EPSTI1: variants seen among roughly 807,000 people sequenced by gnomAD.
EPSTI1 encodes epithelial stromal interaction 1, also known as epithelial-stromal interaction protein 1.
A neutral mutation model predicts 49.9 loss-of-function variants in EPSTI1; 66 were observed. That is an observed-to-expected ratio of 1.32 (90% CI 1.08 to 1.62). The LOEUF (loss-of-function observed/expected upper bound fraction) is 1.62. EPSTI1 is among the 40% of genes most tolerant of loss of function. The pLI is 0.00. For synonymous variants in EPSTI1, 137 were observed against 130.7 expected (o/e 1.05, Z -0.33); for missense variants, 394 against 365.5 (o/e 1.08, Z -0.64).
At chr13:42,890,158 C>T (rs540703921) in intron 10 of EPSTI1, among the ~76,000 whole-genome samples, 7 of 152,244 alleles carry the variant, frequency 4.6e-5, no homozygotes, top group East Asian at 1.9e-4. Flanking sequence ...TGGTTACTCT[C>T]AGTTCTTTGC....
At chr13:42,926,871 G>C (rs2038196312) in intron 6 of EPSTI1, among the ~76,000 whole-genome samples, 1 of 151,944 alleles carries the variant, frequency 6.6e-6, no homozygotes, top group Non-Finnish European at 1.5e-5. Context: ...CCTCTCATCT[G>C]CCTCATGGCT....
rs2038031976 is a variant in EPSTI1, at chr13:42,922,395, A to G, written c.657+3941T>C. Among the ~76,000 whole-genome samples, 1 of 152,098 alleles carries G rather than the reference A, an allele frequency of 6.6e-6. No homozygotes were observed. The highest frequency in any genetic ancestry group is 1.5e-5 in the Non-Finnish European group (1 of 68,022). The stretch of plus-strand genomic sequence containing the variant: ...TAATCAAAAGGGTCATTATAAGAGG[A>G]AGGCAGAAAGGTCAGGGAGGGTGCA... On this transcript the variant is annotated intron_variant, in intron 7 of 10. Coordinates refer to ENST00000313624, the MANE Select transcript of EPSTI1 (RefSeq NM_033255.5). This position sits in a 1 kb window ranked among gnomAD's most constrained non-coding sequence, Gnocchi z 4.8.
intron 6 of EPSTI1, among the ~76,000 whole-genome samples, chr13:42,932,811 A>C (rs915806325): frequency 6.6e-6 from 1 of 152,196 alleles, no homozygotes; most frequent in Admixed American, 6.5e-5. Context: ...AAATATCACC[A>C]GTGATAAGGA....
chr13:42,919,317 G>T (rs1466356190), intron 7 of EPSTI1: 5 of 1,613,524 alleles, frequency 3.1e-6, no homozygotes, highest in Admixed American at 3.3e-5. Flanking sequence ...TGATCCCTAG[G>T]CAGGATAGGA....
intron 6 of EPSTI1, among the ~76,000 whole-genome samples, chr13:42,950,088 A>C (rs916013413): frequency 8.5e-5 from 13 of 152,240 alleles, no homozygotes; most frequent in African/African-American, 1.9e-4. Context: ...AGTTAGACCA[A>C]GGCTAACTGC....
At chr13:42,896,915 C>A (rs2037206158) in intron 9 of EPSTI1, among the ~76,000 whole-genome samples, 1 of 152,018 alleles carries the variant, frequency 6.6e-6, no homozygotes, top group African/African-American at 2.4e-5. Flanking sequence ...GCCTGGCCAA[C>A]CTGGCAAAAC....
At chr13:42,929,719 CT>C (rs2038300646) in intron 6 of EPSTI1, among the ~76,000 whole-genome samples, 1 of 152,154 alleles carries the variant, frequency 6.6e-6, no homozygotes, top group South Asian at 2.1e-4. Context: ...TAATATTTAT[CT>C]TTTTTAATTA....
intron 10 of EPSTI1, among the ~76,000 whole-genome samples, chr13:42,889,031 C>G (rs547186433): frequency 6.6e-6 from 1 of 152,282 alleles, no homozygotes; most frequent in South Asian, 2.1e-4. Context: ...ATGGAATACA[C>G]ACCATTGCTG....
chr13:42,949,591 C>CAAAA (rs199737689), intron 6 of EPSTI1, among the ~76,000 whole-genome samples: 1 of 80,204 alleles, frequency 1.2e-5, no homozygotes, highest in Admixed American at 1.3e-4. Flanking sequence ...GACTCCATGT[C>CAAAA]AAAAAAAAAA....
chr13:42,984,479 CA>C (rs2040043439), intron 1 of EPSTI1, among the ~76,000 whole-genome samples: 1 of 152,144 alleles, frequency 6.6e-6, no homozygotes, highest in East Asian at 1.9e-4. Context: ...TAATGTGAGT[CA>C]AAATGACTTA....
chr13:42,986,190 T>C (rs2040075001), intron 1 of EPSTI1, among the ~76,000 whole-genome samples: 1 of 152,148 alleles, frequency 6.6e-6, no homozygotes, highest in African/African-American at 2.4e-5. Context: ...CTGACTATGC[T>C]CCCCACTGTA....
chr13:42,959,870 C>A (rs1197087406), intron 5 of EPSTI1, among the ~76,000 whole-genome samples: 1 of 152,154 alleles, frequency 6.6e-6, no homozygotes, highest in Non-Finnish European at 1.5e-5. Context: ...GGAAAATATT[C>A]AGGGGATGAG....
chr13:42,986,386 C>T (rs2040078247), intron 1 of EPSTI1, among the ~76,000 whole-genome samples: 1 of 135,054 alleles, frequency 7.4e-6, no homozygotes, highest in African/African-American at 2.6e-5. Context: ...TTGGTGAGGT[C>T]CCTAGACAGC....
chr13:42,956,587 G>A (rs1444632941), intron 5 of EPSTI1, among the ~76,000 whole-genome samples: 2 of 152,098 alleles, frequency 1.3e-5, no homozygotes, highest in Non-Finnish European at 2.9e-5. Flanking sequence ...TAGCGCAGAG[G>A]AGGTGTCTTT....
chr13:42,911,264 T>TGTGTGTGTGTGC (rs549150890), intron 8 of EPSTI1, among the ~76,000 whole-genome samples: 58 of 148,548 alleles, frequency 3.9e-4, no homozygotes, highest in African/African-American at 1.3e-3. Flanking sequence ...TGTGTGTGTG[T>TGTGTGTGTGTGC]GCGCGCGCAC....
chr13:42,898,331 C>T (rs776770841), intron 9 of EPSTI1, among the ~76,000 whole-genome samples: 2 of 152,176 alleles, frequency 1.3e-5, no homozygotes, highest in Non-Finnish European at 2.9e-5. Context: ...AGAATGGACA[C>T]GGCTATTTTA....
rs1316932973 is a variant in EPSTI1, at chr13:42,888,477, T to C, written c.*17A>G. On this transcript the variant is annotated 3_prime_UTR_variant, in exon 11 of 11. Transcript: ENST00000313624. ...TCGAGGTCAGTTGATGAAGGCCAGA[T>C]AGGAGTCAATATTTTCTCATATACC... 6.2e-7 allele frequency: 1 copy of C among 1,613,706 alleles called. No homozygotes were observed. Among genetic ancestry groups the C allele is most frequent in the African/African-American group, 1.3e-5 (1 of 74,890 alleles).
chr13:42,972,237 T>G (rs555327751), intron 1 of EPSTI1, among the ~76,000 whole-genome samples: 1 of 152,242 alleles, frequency 6.6e-6, no homozygotes, highest in Admixed American at 6.5e-5. Context: ...ATACTCCAGA[T>G]CAGTAGTTCT....
chr13:42,983,339 G>A (rs1475332762), intron 1 of EPSTI1, among the ~76,000 whole-genome samples: 2 of 152,124 alleles, frequency 1.3e-5, no homozygotes, highest in African/African-American at 4.8e-5. Flanking sequence ...GCCAAGGCAG[G>A]TGGATCACGA....
Sources: gnomAD v4.1 joint callset for allele counts (sites outside exome capture counted in the v4.1 genomes callset) on GRCh38, gnomAD v4.1.1 for gene constraint, Gnocchi (gnomAD v3.1) non-coding constraint, MANE v1.5 for transcripts, NCBI Gene and HGNC (gene_info 2026-07-23, HGNC 2026-07-21) for gene names.